The following HFM1 variants were observed in gnomAD, a reference collection of about 807,000 sequenced individuals.
The protein encoded by HFM1 is probable ATP-dependent DNA helicase HFM1.
In HFM1, 169 loss-of-function variants were observed where a neutral mutation model predicts 192.1. The ratio of observed to expected loss-of-function variants is 0.88; its 90% confidence interval spans 0.78 to 1.00. The LOEUF is 1.00. HFM1 is among the 50% of genes least tolerant of loss of function. The pLI is 0.00. For missense variants in HFM1, 1,661 were observed against 1,668.0 expected (o/e 1.00, Z 0.07); for synonymous variants, 525 against 537.8 (o/e 0.98, Z 0.33).
At chr1:91,337,044 C>T (rs1032654611) in intron 20 of HFM1, among the ~76,000 whole-genome samples, 2 of 152,072 alleles carry the variant, frequency 1.3e-5, no homozygotes, top group Non-Finnish European at 2.9e-5. Context: ...AACACGTGGA[C>T]GCGTTGTGGG....
At chr1:91,385,860 A>G in intron 4 of HFM1, 26 bp from the exon 5 acceptor site, 1 of 1,571,582 alleles carries the variant, frequency 6.4e-7, no homozygotes, top group Non-Finnish European at 8.6e-7. Context: ...AGACCCACAT[A>G]TTTTCTCACG....
chr1:91,282,591 G>A (rs1003055421), intron 30 of HFM1, among the ~76,000 whole-genome samples: 1 of 152,106 alleles, frequency 6.6e-6, no homozygotes. Flanking sequence ...CAGAGGTTAA[G>A]TAAGATGCTC....
intron 13 of HFM1, among the ~76,000 whole-genome samples, chr1:91,372,192 G>A (rs1415539831): frequency 6.6e-6 from 1 of 152,194 alleles, no homozygotes; most frequent in Admixed American, 6.5e-5. Flanking sequence ...ATTCCTCGGG[G>A]ATCTACAACT....
At chr1:91,270,713 A>T (rs1476028288) in intron 34 of HFM1, among the ~76,000 whole-genome samples, 5 of 152,196 alleles carry the variant, frequency 3.3e-5, no homozygotes, top group Non-Finnish European at 5.9e-5. Flanking sequence ...AGGAAAGACC[A>T]GTAGTATCAA....
chr1:91,314,712 T>C (rs572290316), intron 28 of HFM1, among the ~76,000 whole-genome samples: 1 of 152,346 alleles, frequency 6.6e-6, no homozygotes, highest in South Asian at 2.1e-4. Flanking sequence ...AATAGTATTT[T>C]TAAATTTATA....
Position 91,396,307 on chromosome 1 carries a change from C to A in HFM1, c.170G>T (p.Ser57Ile). 1 of 1,546,340 alleles carries A rather than the reference C, an allele frequency of 6.5e-7. No individual in the cohort carries two copies. The highest frequency in any genetic ancestry group is 8.9e-7 in the Non-Finnish European group (1 of 1,123,344). The change falls in exon 3 of 39, where the codon AGT (serine) becomes ATT (isoleucine). Residue 57 changes from serine to isoleucine, a missense_variant. Transcript: ENST00000370425. ...TGATAATTTACCTAACAGTTTATGA[C>A]TTTCTAATTCTTCCTCTAACTCCTG... ...DTQELEEELE[S>I]HKLLGQEKRP...
chr1:91,334,007 T>G (rs574852934), intron 20 of HFM1, among the ~76,000 whole-genome samples: 1 of 152,250 alleles, frequency 6.6e-6, no homozygotes, highest in African/African-American at 2.4e-5. Context: ...CTACAAATAA[T>G]GGATCTTGAG....
intron 20 of HFM1, among the ~76,000 whole-genome samples, chr1:91,331,874 C>T (rs565253095): frequency 2.4e-4 from 36 of 151,798 alleles, no homozygotes; most frequent in Middle Eastern, 6.8e-3. Context: ...CTAGCCTGGG[C>T]GACAGAGGGA....
intron 20 of HFM1, chr1:91,328,877 C>G (rs1653349728): frequency 6.2e-7 from 1 of 1,610,628 alleles, no homozygotes; most frequent in Non-Finnish European, 8.5e-7. Context: ...CTGTGCTGCC[C>G]TGGTGAAGGC....
At chr1:91,381,917 C>G (rs1387652236) in intron 6 of HFM1, among the ~76,000 whole-genome samples, 1 of 152,094 alleles carries the variant, frequency 6.6e-6, no homozygotes, top group Non-Finnish European at 1.5e-5. Context: ...TATTACTTCT[C>G]TGATCAAATT....
At chr1:91,365,998 G>C (rs1211360392) in intron 13 of HFM1, among the ~76,000 whole-genome samples, 1 of 149,378 alleles carries the variant, frequency 6.7e-6, no homozygotes, top group East Asian at 1.9e-4. Context: ...AATAAAAAGA[G>C]ATAAAGAAAA....
intron 30 of HFM1, among the ~76,000 whole-genome samples, chr1:91,283,602 T>C (rs1324496195): frequency 8.5e-5 from 13 of 152,204 alleles, no homozygotes; most frequent in Admixed American, 8.5e-4. Context: ...CCATATTCCA[T>C]CACTGTCATA....
intron 11 of HFM1, among the ~76,000 whole-genome samples, chr1:91,377,130 A>G (rs2101980722): frequency 1.3e-5 from 2 of 151,990 alleles, no homozygotes; most frequent in Middle Eastern, 7.0e-3. Flanking sequence ...TGATTCCTAC[A>G]TGCTTACAAA....
intron 36 of HFM1, among the ~76,000 whole-genome samples, chr1:91,263,588 A>T (rs930988124): frequency 6.6e-5 from 10 of 151,762 alleles, no homozygotes; most frequent in South Asian, 2.1e-4. Flanking sequence ...AGAAAAAAAA[A>T]ATTTTTTTTA....
At chr1:91,354,701 G>A (rs772667257) in intron 13 of HFM1, among the ~76,000 whole-genome samples, 6 of 152,080 alleles carry the variant, frequency 3.9e-5, no homozygotes, top group Non-Finnish European at 8.8e-5. Flanking sequence ...TCAAAGTCCT[G>A]AAAGAAGACA....
At chr1:91,354,473 A>G (rs1657440311) in intron 13 of HFM1, among the ~76,000 whole-genome samples, 1 of 152,126 alleles carries the variant, frequency 6.6e-6, no homozygotes, top group Non-Finnish European at 1.5e-5. Context: ...AGACATGGAC[A>G]TCCAGTTCCA....
intron 1 of HFM1, among the ~76,000 whole-genome samples, chr1:91,403,969 C>T (rs1664583993): frequency 1.3e-5 from 2 of 152,080 alleles, no homozygotes; most frequent in African/African-American, 4.8e-5. Context: ...AAACATACTC[C>T]TTATTTTAAA....
intron 6 of HFM1, among the ~76,000 whole-genome samples, chr1:91,382,526 T>C (rs982885328): frequency 2.6e-5 from 4 of 152,218 alleles, no homozygotes; most frequent in Admixed American, 1.3e-4. Context: ...AGTTAATTTA[T>C]AAATCCTCAT....
chr1:91,276,960 A>G lies in HFM1; in HGVS notation c.3472+22T>C, dbSNP rs369796639. On this transcript the variant is annotated intron_variant, in intron 31 of 38. Transcript: ENST00000370425. Reference sequence around the variant, plus strand: ...CCTTTCAATTTTGAACACTTTAAATAAACTTGTTTTAAGGAACTCACAGCA... The same window carrying G: ...CCTTTCAATTTTGAACACTTTAAATGAACTTGTTTTAAGGAACTCACAGCA... 15 of 1,440,320 alleles carry G rather than the reference A, an allele frequency of 1.0e-5. No homozygotes were observed. In the African/African-American group the frequency reaches 2.0e-4, roughly 19 times the overall value. 89.2% of individuals were successfully genotyped at this position (1,440,320 alleles called of 1,614,324 possible).
Sources: allele counts gnomAD v4.1 joint callset (sites outside exome capture counted in the v4.1 genomes callset), GRCh38; gene constraint gnomAD v4.1.1; transcripts MANE v1.5; gene names NCBI Gene and HGNC (gene_info 2026-07-23, HGNC 2026-07-21).